The following ATXN2 variants were observed in gnomAD, a reference collection of about 807,000 sequenced individuals.
ATXN2 encodes ataxin-2.
In ATXN2, 37 loss-of-function variants were observed where a neutral mutation model predicts 138.6. The observed-to-expected ratio is 0.27, with a 90% CI of 0.21 to 0.35. The LOEUF (loss-of-function observed/expected upper bound fraction) is 0.35, where lower values mean the gene tolerates loss of function less well. Ranked by LOEUF, ATXN2 falls within the 10% of genes least tolerant of loss-of-function variation. ATXN2 has a pLI of 1.00. For synonymous variants in ATXN2, 549 were observed against 543.7 expected (o/e 1.01, Z -0.13); for missense variants, 1,216 against 1,480.3 (o/e 0.82, Z 2.93).
intron 1 of ATXN2, among the ~76,000 whole-genome samples, chr12:111,596,373 T>TCACACACA (rs35861967): frequency 5.3e-5 from 8 of 151,186 alleles, no homozygotes; most frequent in African/African-American, 1.9e-4. Flanking sequence ...GAAAAACTAT[T>TCACACACA]CACACACACA....
At chr12:111,540,385 C>T (rs1881429710) in intron 5 of ATXN2, among the ~76,000 whole-genome samples, 1 of 150,560 alleles carries the variant, frequency 6.6e-6, no homozygotes, top group African/African-American at 2.4e-5. Flanking sequence ...AAGAATGCTA[C>T]TTGTTTTACT....
At chr12:111,464,324 GGTGTGTGTGTTTGTGTGT>G (rs60673204) in intron 21 of ATXN2, among the ~76,000 whole-genome samples, 7,666 of 126,174 alleles carry the variant, frequency 0.061, 697 homozygotes, top group African/African-American at 0.25. Flanking sequence ...TTGTGGCTTG[GGTGTGTGTGTTTGTGTGT>G]GTGTGTGTGT....
At chr12:111,591,675 C>G (rs1225423524) in intron 1 of ATXN2, among the ~76,000 whole-genome samples, 1 of 151,996 alleles carries the variant, frequency 6.6e-6, no homozygotes, top group African/African-American at 2.4e-5. Context: ...GTAATAAAAT[C>G]CTACAAATAT....
At chr12:111,582,904 G>A (rs1383345037) in intron 1 of ATXN2, among the ~76,000 whole-genome samples, 1 of 151,814 alleles carries the variant, frequency 6.6e-6, no homozygotes, top group African/African-American at 2.4e-5. Flanking sequence ...TCCTGACCTC[G>A]TGATCCACCC....
chr12:111,464,335 TTGTGTGTGTGTGTGTGTG>T (rs375641693), intron 21 of ATXN2, among the ~76,000 whole-genome samples: 1 of 105,784 alleles, frequency 9.5e-6, no homozygotes, highest in African/African-American at 4.4e-5. Flanking sequence ...GTGTGTGTGT[TTGTGTGTGTGTGTGTGTG>T]TGTGTGTGTG....
intron 1 of ATXN2, among the ~76,000 whole-genome samples, chr12:111,562,547 C>G (rs865835784): frequency 6.6e-6 from 1 of 151,776 alleles, no homozygotes; most frequent in Non-Finnish European, 1.5e-5. Context: ...ATGGAAAAAT[C>G]CTGTCTCTAC....
chr12:111,477,969 T>A (rs1453092734), intron 18 of ATXN2, among the ~76,000 whole-genome samples: 3 of 151,852 alleles, frequency 2.0e-5, no homozygotes, highest in African/African-American at 2.4e-5. Context: ...TTTTTTCTTT[T>A]TTTTTTTTGC....
intron 18 of ATXN2, among the ~76,000 whole-genome samples, chr12:111,483,866 T>C (rs573713401): frequency 6.6e-6 from 1 of 152,276 alleles, no homozygotes; most frequent in Admixed American, 6.5e-5. Context: ...CCCTGCAGCC[T>C]GGACCTTCTG....
Position 111,522,828 on chromosome 12 carries a change from C to T in ATXN2, c.697-1855G>A, listed in dbSNP as rs11832327. Among the ~76,000 whole-genome samples, 1,479 of 152,168 alleles carry T rather than the reference C, an allele frequency of 9.7e-3. 22 individuals are homozygous for T. The highest frequency in any genetic ancestry group is 0.034 in the African/African-American group (1,415 of 41,490). ...ACTCAGAAGGCTGAAGCAGGAGAATCGCTTGAACCTGGAAGGCAGAGGTTT... is the reference window on the plus strand; with the variant it reads ...ACTCAGAAGGCTGAAGCAGGAGAATTGCTTGAACCTGGAAGGCAGAGGTTT... On this transcript the variant is annotated intron_variant, in intron 6 of 24. Coordinates refer to ENST00000673436, the MANE Select transcript of ATXN2 (RefSeq NM_001372574.1).
At chr12:111,455,766 T>C in intron 23 of ATXN2, 1 of 550,274 alleles carries the variant, frequency 1.8e-6, no homozygotes, top group Non-Finnish European at 3.3e-6. Flanking sequence ...AAAGAAGGAC[T>C]GGGTTGCATT....
chr12:111,587,962 G>C (rs1241014392), intron 1 of ATXN2, among the ~76,000 whole-genome samples: 1 of 152,054 alleles, frequency 6.6e-6, no homozygotes, highest in African/African-American at 2.4e-5. Context: ...GGAGGCCTAA[G>C]TGGGGTGGAT....
chr12:111,471,192 C>T (rs1025822833), intron 18 of ATXN2: 2 of 185,592 alleles, frequency 1.1e-5, no homozygotes, highest in African/African-American at 4.6e-5. Flanking sequence ...TTTCCAACCA[C>T]TGAATCCTTG....
intron 5 of ATXN2, among the ~76,000 whole-genome samples, chr12:111,535,484 T>C (rs918552875): frequency 5.9e-5 from 9 of 151,558 alleles, no homozygotes; most frequent in African/African-American, 2.2e-4. Context: ...TAGCAGGGCA[T>C]GGTGGCGCGC....
At chr12:111,517,336 C>A (rs1421422719) in intron 9 of ATXN2, among the ~76,000 whole-genome samples, 1 of 152,066 alleles carries the variant, frequency 6.6e-6, no homozygotes, top group Non-Finnish European at 1.5e-5. Flanking sequence ...AGAAATTTCA[C>A]CCCCAATATT....
rs1210984937 is a variant in ATXN2, at chr12:111,554,901, TATCA to T, written c.289-688_289-685del. On this transcript the variant is annotated intron_variant, in intron 2 of 24. Transcript: ENST00000673436. ...GAACCCTGACTAGGTTCTCCCAGCA[TATCA>T]GCATCAGTGACAGTGCTTAAGTCTG... is the stretch of plus-strand genomic sequence containing the variant. Among the ~76,000 whole-genome samples, 4 of 152,332 alleles carry T rather than the reference TATCA, an allele frequency of 2.6e-5. No individual in the cohort carries two copies. The South Asian group carries it at 8.3e-4, about 32-fold the overall frequency.
chr12:111,485,425 C>T, intron 17 of ATXN2, 94 bp from the exon 18 acceptor site: 1 of 1,241,834 alleles, frequency 8.1e-7, no homozygotes, highest in South Asian at 1.4e-5. Context: ...GAGAGCTAGG[C>T]ATGAGAAGGT....
intron 14 of ATXN2, among the ~76,000 whole-genome samples, chr12:111,498,935 C>T (rs2135715006): frequency 6.6e-6 from 1 of 152,194 alleles, no homozygotes; most frequent in South Asian, 2.1e-4. Flanking sequence ...AAGCCATGAA[C>T]ATACACTGGG....
At chr12:111,482,069 A>G (rs113491100) in intron 18 of ATXN2, among the ~76,000 whole-genome samples, 15,539 of 151,998 alleles carry the variant, frequency 0.1, 2,648 homozygotes, top group African/African-American at 0.35. Context: ...TGGTATATTC[A>G]GGCCAGGAGC....
At chr12:111,560,174 T>C (rs1882603603) in intron 1 of ATXN2, among the ~76,000 whole-genome samples, 3 of 152,148 alleles carry the variant, frequency 2.0e-5, no homozygotes, top group Non-Finnish European at 4.4e-5. Context: ...CCTCCATATC[T>C]GCAGATTTCA....
Sources: allele counts gnomAD v4.1 joint callset (sites outside exome capture counted in the v4.1 genomes callset), GRCh38; gene constraint gnomAD v4.1.1; transcripts MANE v1.5; gene names NCBI Gene and HGNC (gene_info 2026-07-23, HGNC 2026-07-21).